TMEM184B: variants seen among roughly 807,000 people sequenced by gnomAD.
TMEM184B encodes transmembrane protein 184B.
TMEM184B carries 17 observed loss-of-function variants against 41.8 expected under a neutral mutation model. The observed-to-expected ratio is 0.41, with a 90% confidence interval of 0.28 to 0.61. The LOEUF is 0.61. TMEM184B is among the 20% of genes least tolerant of loss of function. TMEM184B has a pLI of 0.34. For synonymous variants in TMEM184B, 240 were observed against 229.5 expected (o/e 1.05, Z -0.41); for missense variants, 393 against 557.8 (o/e 0.70, Z 2.98).
chr22:38,228,695 C>T (rs1030526229), intron 5 of TMEM184B, among the ~76,000 whole-genome samples: 1 of 152,142 alleles, frequency 6.6e-6, no homozygotes, highest in Non-Finnish European at 1.5e-5. Context: ...GCCTCTAGGA[C>T]AAAGCTGTGG....
At chr22:38,244,252 G>A (rs1416821228) in intron 3 of TMEM184B, among the ~76,000 whole-genome samples, 1 of 152,110 alleles carries the variant, frequency 6.6e-6, no homozygotes, top group Non-Finnish European at 1.5e-5. Context: ...GGATGAGCAT[G>A]CTTCACTCCA....
At chr22:38,249,803 T>C (rs528931343) in intron 1 of TMEM184B, among the ~76,000 whole-genome samples, 1 of 152,142 alleles carries the variant, frequency 6.6e-6, no homozygotes, top group Non-Finnish European at 1.5e-5. Context: ...GGGCGGCCCT[T>C]TCAGTACAGC....
chr22:38,271,571 G>T (rs1001591422), intron 1 of TMEM184B, among the ~76,000 whole-genome samples: 1 of 152,084 alleles, frequency 6.6e-6, no homozygotes, highest in African/African-American at 2.4e-5. Flanking sequence ...TCTTTCCTGC[G>T]GCCACGATCC....
At chr22:38,232,279 C>A (rs1028644166) in intron 3 of TMEM184B, 3 of 152,246 alleles carry the variant, frequency 2.0e-5, no homozygotes, top group African/African-American at 7.2e-5. Flanking sequence ...AACATCTCCA[C>A]AAAGACCCAA....
chr22:38,261,754 C>T (rs2092371227), intron 1 of TMEM184B, among the ~76,000 whole-genome samples: 1 of 152,192 alleles, frequency 6.6e-6, no homozygotes, highest in African/African-American at 2.4e-5. Context: ...CCTGCAGATT[C>T]AGCATCCTGC....
rs1394850773 is a variant in TMEM184B at position 38,219,825 on chromosome 22, G to A, written c.*1644C>T. ...CCTGTGTCTGCACCCACCCTCCCGG[G>A]CAGCTTGGGCCCAACTGCTCCGCCC... On this transcript the variant is annotated 3_prime_UTR_variant, in exon 9 of 9. Transcript: ENST00000361906. The A allele has an allele frequency of 3.0e-6, 3 of 985,334 alleles. No homozygotes were observed. Among genetic ancestry groups the A allele is most frequent in the African/African-American group, 1.7e-5 (1 of 57,220 alleles). 61.0% of individuals were successfully genotyped at this position (985,334 alleles called of 1,614,324 possible). A position where few individuals can be genotyped will look rare whatever the true frequency, so the allele number is the denominator to read the frequency against.
chr22:38,223,255 C>A (rs1023115506), intron 8 of TMEM184B: 2 of 152,298 alleles, frequency 1.3e-5, no homozygotes, highest in African/African-American at 4.8e-5. Context: ...GGCAGCAGAG[C>A]CCCTCTGCTG....
At chr22:38,262,576 T>G (rs917949643) in intron 1 of TMEM184B, among the ~76,000 whole-genome samples, 2 of 152,216 alleles carry the variant, frequency 1.3e-5, no homozygotes, top group African/African-American at 2.4e-5. Context: ...TTAAAGTGTA[T>G]CTTTCTGTCA....
intron 3 of TMEM184B, among the ~76,000 whole-genome samples, chr22:38,238,718 A>G (rs1285396355): frequency 1.3e-5 from 2 of 152,180 alleles, no homozygotes; most frequent in Non-Finnish European, 2.9e-5. Flanking sequence ...TTTCCCTAAC[A>G]GGAGTTCACA....
At chr22:38,216,703 G>A (rs2091153968), downstream of TMEM184B, among the ~76,000 whole-genome samples, 1 of 152,042 alleles carries the variant, frequency 6.6e-6, no homozygotes, top group Admixed American at 6.5e-5. Context: ...GTTGCTTAGA[G>A]CACAGGAGCT....
At chr22:38,252,117 T>C (rs552281526) in intron 1 of TMEM184B, among the ~76,000 whole-genome samples, 3 of 151,174 alleles carry the variant, frequency 2.0e-5, no homozygotes, top group Non-Finnish European at 2.9e-5. Flanking sequence ...TGGAGTGCAG[T>C]AGCATGACCT....
intron 1 of TMEM184B, among the ~76,000 whole-genome samples, chr22:38,256,306 C>T (rs969571221): frequency 1.3e-5 from 2 of 152,076 alleles, no homozygotes; most frequent in East Asian, 1.9e-4. Flanking sequence ...CTCTGCCTCC[C>T]GGGTTCAAGC....
chr22:38,247,349 G>C (rs2092056109), intron 2 of TMEM184B, among the ~76,000 whole-genome samples: 1 of 152,254 alleles, frequency 6.6e-6, no homozygotes, highest in African/African-American at 2.4e-5. Flanking sequence ...AATATACAGA[G>C]TGCCTTCGCA....
Position 38,219,680 on chromosome 22 carries a change from A to G in TMEM184B, c.*1789T>C, listed in dbSNP as rs755179225. ...CTCCACGCAAACAGCAACGCTGGGC[A>G]GGCGAAAACCAAGGGAGTGGGAATC... On this transcript the variant is annotated 3_prime_UTR_variant, in exon 9 of 9. Coordinates refer to ENST00000361906, the MANE Select transcript of TMEM184B (RefSeq NM_012264.5). 34 of 985,406 alleles carry G rather than the reference A, an allele frequency of 3.5e-5. No individual in the cohort carries two copies. Among genetic ancestry groups the G allele is most frequent in the Non-Finnish European group, 4.1e-5 (34 of 829,954 alleles). 61.0% of individuals were successfully genotyped at this position (985,406 alleles called of 1,614,324 possible).
intron 1 of TMEM184B, chr22:38,272,596 C>CT (rs2092542095): frequency 1.0e-6 from 1 of 985,476 alleles, no homozygotes; most frequent in Non-Finnish European, 1.2e-6. Context: ...GGCCGCCCCC[C>CT]GGACAGGTCC....
intron 1 of TMEM184B, among the ~76,000 whole-genome samples, chr22:38,261,465 C>G (rs2092367544): frequency 1.3e-5 from 2 of 152,160 alleles, no homozygotes; most frequent in African/African-American, 4.8e-5. Flanking sequence ...GCAAAATCAT[C>G]CAATCATGTA....
chr22:38,237,112 C>T (rs1037150156), intron 3 of TMEM184B, among the ~76,000 whole-genome samples: 4 of 152,246 alleles, frequency 2.6e-5, no homozygotes, highest in African/African-American at 7.2e-5. Context: ...TCAGCTGCCC[C>T]GTGACCTAAT....
Position 38,248,002 on chromosome 22 carries a change from A to G in TMEM184B, c.-41T>C. On this transcript the variant is annotated 5_prime_UTR_variant, in exon 2 of 9. Coordinates refer to ENST00000361906, the MANE Select transcript of TMEM184B (RefSeq NM_012264.5). Reference sequence around the variant, plus strand: ...GAGGCTCCCTGAGGGAAACCTTTGCAGAAAGTGACAAGCTAGCCTAGAGAG... The same window carrying G: ...GAGGCTCCCTGAGGGAAACCTTTGCGGAAAGTGACAAGCTAGCCTAGAGAG... 6.6e-7 allele frequency: 1 copy of G among 1,526,648 alleles called. No individual in the cohort carries two copies. 94.6% of individuals were successfully genotyped at this position (1,526,648 alleles called of 1,614,324 possible).
chr22:38,218,744 T>C (rs953892755), downstream of TMEM184B, among the ~76,000 whole-genome samples: 1 of 152,160 alleles, frequency 6.6e-6, no homozygotes. Flanking sequence ...GGACGCAGGC[T>C]ATTTACCCGC....
Sources: allele counts gnomAD v4.1 joint callset (sites outside exome capture counted in the v4.1 genomes callset), GRCh38; gene constraint gnomAD v4.1.1; transcripts MANE v1.5; gene names NCBI Gene and HGNC (gene_info 2026-07-23, HGNC 2026-07-21).